FBN2: variants seen among roughly 807,000 people sequenced by gnomAD.
The protein encoded by FBN2 is fibrillin 2, also known as fibrillin-2.
A neutral mutation model predicts 355.6 loss-of-function variants in FBN2; 105 were observed. The observed-to-expected ratio is 0.30, with a 90% CI of 0.25 to 0.35. FBN2 has a LOEUF of 0.35. Among genes scored for constraint, FBN2 ranks in the 10% least tolerant of loss-of-function variants. FBN2 has a pLI of 1.00. For missense variants in FBN2, 3,280 were observed against 3,758.7 expected, an observed-to-expected ratio of 0.87 and a Z score of 3.33; for synonymous variants, 1,350 against 1,301.2, an observed-to-expected ratio of 1.04 and a Z score of -0.81.
intron 32 of FBN2, among the ~76,000 whole-genome samples, chr5:128,332,175 C>T (rs977703927): frequency 2.0e-5 from 3 of 152,128 alleles, no homozygotes; most frequent in Admixed American, 6.6e-5. Flanking sequence ...TTAATCCTTA[C>T]TGAGGGCCTA....
In FBN2 at chr5:128,499,423, C is replaced by T. The variant is rs369634527; in HGVS notation, c.628+19850G>A. On this transcript the variant is annotated intron_variant, in intron 5 of 64. Transcript: ENST00000262464. Reference sequence around the variant, plus strand: ...TTCACCTTATAGCACAATTACTTCGCGGGCTTTAAAAAATGCTAATGTTTG... The same window carrying T: ...TTCACCTTATAGCACAATTACTTCGTGGGCTTTAAAAAATGCTAATGTTTG... Among the ~76,000 whole-genome samples the T allele has an allele frequency of 3.4e-3, 515 of 152,204 alleles. 5 individuals carry two copies. Among genetic ancestry groups the T allele is most frequent in the Non-Finnish European group, 6.3e-3 (425 of 68,000 alleles).
chr5:128,362,029 T>A (rs1441172694), intron 18 of FBN2, among the ~76,000 whole-genome samples, 181 bp from the exon 19 acceptor site: 1 of 152,230 alleles, frequency 6.6e-6, no homozygotes, highest in East Asian at 1.9e-4. Flanking sequence ...AATGGGATAT[T>A]CTTATGCTAG....
chr5:128,519,635 T>A (rs545217828), intron 4 of FBN2, among the ~76,000 whole-genome samples: 4 of 152,150 alleles, frequency 2.6e-5, no homozygotes, highest in East Asian at 1.9e-4. Flanking sequence ...GTTTTTTTTT[T>A]AATCAGAATC....
chr5:128,271,833 C>T (rs1040362348), intron 62 of FBN2, among the ~76,000 whole-genome samples, 166 bp downstream of exon 62: 10 of 152,090 alleles, frequency 6.6e-5, no homozygotes, highest in African/African-American at 2.4e-4. Flanking sequence ...TATTTTCAAA[C>T]ATACACACTA....
chr5:128,489,797 T>TA (rs1479521007), intron 5 of FBN2, among the ~76,000 whole-genome samples: 1 of 152,038 alleles, frequency 6.6e-6, no homozygotes, highest in Admixed American at 6.6e-5. Context: ...CACAGCAACA[T>TA]AAAGAAAAAG....
chr5:128,372,878 T>C (rs775118917), intron 15 of FBN2, among the ~76,000 whole-genome samples: 1 of 152,028 alleles, frequency 6.6e-6, no homozygotes, highest in Non-Finnish European at 1.5e-5. Flanking sequence ...CCGCCCAACA[T>C]GGAATCCCAA....
chr5:128,287,200 T>C, intron 54 of FBN2, 108 bp downstream of exon 54: 1 of 1,273,632 alleles, frequency 7.9e-7, no homozygotes, highest in South Asian at 1.2e-5. Flanking sequence ...GTCATATATA[T>C]ATTTCTGTAA....
chr5:128,302,773 G>A (rs1262025581), intron 46 of FBN2, among the ~76,000 whole-genome samples, 200 bp downstream of exon 46: 2 of 152,078 alleles, frequency 1.3e-5, no homozygotes, highest in African/African-American at 4.8e-5. Context: ...AAGGATTCAA[G>A]AGTATATTGT....
At chr5:128,341,327 C>G (rs1185967444) in intron 25 of FBN2, among the ~76,000 whole-genome samples, 2 of 152,158 alleles carry the variant, frequency 1.3e-5, no homozygotes, top group African/African-American at 2.4e-5. Context: ...CAATCCAGCC[C>G]TGCTTGGATG....
intron 60 of FBN2, among the ~76,000 whole-genome samples, chr5:128,274,291 T>C (rs934430440): frequency 2.0e-5 from 3 of 152,366 alleles, no homozygotes; most frequent in Middle Eastern, 6.8e-3. Flanking sequence ...AATCATATTT[T>C]GTCTGAACAC....
In FBN2 at chr5:128,263,599, A is replaced by G; in HGVS notation, c.8018T>C (p.Leu2673Pro). ...GGGGCAGGCGCACTTGTAACTCCCCAGGGTGTTGTAGCAGGAAGCAGAGCC... is the reference window on the plus strand; with the variant it reads ...GGGGCAGGCGCACTTGTAACTCCCCGGGGTGTTGTAGCAGGAAGCAGAGCC... ...ACGSASCYNT[L>P]GSYKCACPSG... Residue 2673 changes from leucine (L) to proline (P), a missense_variant, in exon 63 of 65, where the codon CTG (leucine) becomes CCG (proline). Physicochemically the swap from Leu to Pro is moderately conservative, Grantham distance 98. Around this residue, in one of 6 missense-constraint regions of FBN2, gnomAD observed 311 missense variants for 319.1 expected, o/e 0.97. Transcript: ENST00000262464. The G allele has an allele frequency of 6.2e-7, 1 of 1,614,114 alleles. No homozygotes were observed. Among genetic ancestry groups the G allele is most frequent in the East Asian group, 2.2e-5 (1 of 44,868 alleles).
rs1751146119 is a variant in FBN2 at position 128,345,359 on chromosome 5, T to C, written c.3215A>G (p.Lys1072Arg). The change falls in exon 24 of 65, where the codon AAA becomes AGA. Residue 1072 changes from lysine (K) to arginine (R), a missense_variant and splice_region_variant. By Grantham distance (26) the Lys-to-Arg change is conservative (BLOSUM62 2). Coordinates refer to ENST00000262464, the MANE Select transcript of FBN2 (RefSeq NM_001999.4). ...AGGCGCTGGCCGCAGGCAGTTACCTTTGTAAAATGGCCGCCCAGTAAGAAC... is the reference window on the plus strand; with the variant it reads ...AGGCGCTGGCCGCAGGCAGTTACCTCTGTAAAATGGCCGCCCAGTAAGAAC... ...GDVLTGRPFY[K>R]DINECKAFPG... is the part of the protein sequence containing the mutation. 6 of 1,613,858 alleles carry C rather than the reference T, an allele frequency of 3.7e-6. No homozygotes were observed. The highest frequency in any genetic ancestry group is 5.1e-6 in the Non-Finnish European group (6 of 1,179,804).
chr5:128,469,430 C>T (rs550474789), intron 5 of FBN2, among the ~76,000 whole-genome samples: 1 of 151,000 alleles, frequency 6.6e-6, no homozygotes, highest in Admixed American at 6.6e-5. Context: ...ACTTGGGAGG[C>T]TGAGGCAGGA....
intron 6 of FBN2, among the ~76,000 whole-genome samples, chr5:128,461,561 TGCA>T (rs776794113): frequency 6.6e-6 from 1 of 152,214 alleles, no homozygotes; most frequent in Non-Finnish European, 1.5e-5. Context: ...ATATGTTTAT[TGCA>T]GCAGTATTTA....
intron 15 of FBN2, among the ~76,000 whole-genome samples, chr5:128,370,214 T>C (rs574697292): frequency 8.5e-5 from 13 of 152,308 alleles, no homozygotes; most frequent in South Asian, 2.1e-4. Flanking sequence ...TGGTGAACTA[T>C]AAAAAACTCA....
At chr5:128,346,699 G>A (rs1052251905) in intron 23 of FBN2, among the ~76,000 whole-genome samples, 4 of 152,076 alleles carry the variant, frequency 2.6e-5, no homozygotes, top group Non-Finnish European at 4.4e-5. Flanking sequence ...AGCACTTTGG[G>A]AGACTGAGGC....
At chr5:128,369,634 C>T (rs898354680) in intron 15 of FBN2, among the ~76,000 whole-genome samples, 1 of 152,154 alleles carries the variant, frequency 6.6e-6, no homozygotes, top group African/African-American at 2.4e-5. Flanking sequence ...GATATTTCCA[C>T]AGTTATAAAG....
At chr5:128,494,998 T>G (rs904051124) in intron 5 of FBN2, among the ~76,000 whole-genome samples, 3 of 152,106 alleles carry the variant, frequency 2.0e-5, no homozygotes, top group Non-Finnish European at 4.4e-5. Flanking sequence ...CTCAAAGCAG[T>G]CATTATGAGT....
rs1317994310 is a variant in FBN2, at chr5:128,291,886, T to C, written c.6167-232A>G. Among the ~76,000 whole-genome samples, 8 of 152,166 alleles carry C rather than the reference T, an allele frequency of 5.3e-5. No individual in the cohort carries two copies. In the East Asian group the frequency reaches 1.3e-3, roughly 26 times the overall value. On this transcript the variant is annotated intron_variant, in intron 48 of 64. Transcript: ENST00000262464. ...TGTCCACCTTCCTGTCTTTGATCTT[T>C]AGGGGTGTATGTATGTCTACCTGCC...
Sources: gnomAD v4.1 joint callset for allele counts (sites outside exome capture counted in the v4.1 genomes callset) on GRCh38, gnomAD v4.1.1 for gene constraint, gnomAD v4.1.1 regional missense constraint, MANE v1.5 for transcripts, NCBI Gene and HGNC (gene_info 2026-07-23, HGNC 2026-07-21) for gene names.